PLCL2: variants seen among roughly 807,000 people sequenced by gnomAD.
PLCL2 encodes inactive phospholipase C-like protein 2.
PLCL2 carries 4 observed loss-of-function variants against 79.6 expected under a neutral mutation model. The ratio of observed to expected loss-of-function variants is 0.05; its 90% CI spans 0.02 to 0.11. PLCL2 has a LOEUF of 0.11. PLCL2 is among the 10% of genes least tolerant of loss of function. PLCL2 has a pLI of 1.00. For missense variants in PLCL2, 895 were observed against 1,291.0 expected (o/e 0.69, Z 4.70); for synonymous variants, 484 against 457.7 (o/e 1.06, Z -0.73).
rs148465044 is a variant in PLCL2 at position 16,928,356 on chromosome 3, G to A, written c.327+42990G>A. On this transcript the variant is annotated intron_variant, in intron 1 of 5. Transcript: ENST00000615277. ...GTAGACCAGTTTGGGAGACCAGGCA[G>A]TAGAATGCCTACAGAGGCCGATTTT... 3.4e-4 allele frequency among the ~76,000 whole-genome samples: 52 copies of A among 152,364 alleles called. No homozygotes were observed. In the East Asian group the frequency reaches 8.7e-3, roughly 25 times the overall value.
At chr3:17,000,399 G>A (rs149499768) in intron 1 of PLCL2, among the ~76,000 whole-genome samples, 74 of 149,986 alleles carry the variant, frequency 4.9e-4, no homozygotes, top group Admixed American at 1.1e-3. Flanking sequence ...GATCAAATCA[G>A]GGTAATTAGG....
chr3:16,892,650 A>G (rs562425912), intron 1 of PLCL2, among the ~76,000 whole-genome samples: 2 of 152,200 alleles, frequency 1.3e-5, no homozygotes, highest in Non-Finnish European at 2.9e-5. Context: ...TGCGATCTCT[A>G]ATTCCTCAGC....
At chr3:17,054,362 C>T (rs1224963266) in intron 4 of PLCL2, among the ~76,000 whole-genome samples, 1 of 152,160 alleles carries the variant, frequency 6.6e-6, no homozygotes, top group African/African-American at 2.4e-5. Flanking sequence ...TTTAACAAGT[C>T]TCTAGGAAGT....
rs1482426476 is a variant in PLCL2, at chr3:16,886,540, A to G, written c.327+1174A>G. Among the ~76,000 whole-genome samples the G allele has an allele frequency of 6.6e-6, 1 of 152,122 alleles. No individual in the cohort carries two copies. The highest frequency in any genetic ancestry group is 2.4e-5 in the African/African-American group (1 of 41,420). On this transcript the variant is annotated intron_variant, in intron 1 of 5. Transcript: ENST00000615277. The surrounding 1 kb of genome is among the most constrained non-coding windows in gnomAD (Gnocchi z 4.2). Reference sequence around the variant, plus strand: ...ATCTAGTGAAATATACCATCTTGCTACTCTATGTAAGAGGCAATTGTGAAA... The same window carrying G: ...ATCTAGTGAAATATACCATCTTGCTGCTCTATGTAAGAGGCAATTGTGAAA...
chr3:16,906,958 C>G (rs902691801), intron 1 of PLCL2, among the ~76,000 whole-genome samples: 2 of 152,122 alleles, frequency 1.3e-5, no homozygotes, highest in Non-Finnish European at 2.9e-5. Context: ...GTTTTTTCCC[C>G]GCTGAGTTGC....
At chr3:16,893,519 G>A (rs1696399492) in intron 1 of PLCL2, among the ~76,000 whole-genome samples, 1 of 152,176 alleles carries the variant, frequency 6.6e-6, no homozygotes, top group South Asian at 2.1e-4. Context: ...GGGTTTAAAA[G>A]TGATTAATCA....
At chr3:16,901,998 A>T (rs75866813) in intron 1 of PLCL2, among the ~76,000 whole-genome samples, 170 of 152,250 alleles carry the variant, frequency 1.1e-3, no homozygotes, top group African/African-American at 4.0e-3. Flanking sequence ...GCAGTTACCC[A>T]TGGATTCACT....
rs1277502663 is a variant in PLCL2 at position 17,009,937 on chromosome 3, A to G, written c.591A>G (p.Gly197=). ...AATCCATCAAGGAAGTGAGAACAGG[A>G]AAAAACACAGACATATTCCGCAGCA... ...DIKSIKEVRT[G]KNTDIFRSNG... The change falls in exon 2 of 6, where the codon GGA becomes GGG. Residue 197 remains glycine, a synonymous_variant. Transcript: ENST00000615277. The surrounding 1 kb of genome is among the most constrained non-coding windows in gnomAD (Gnocchi z 4.0). The G allele has an allele frequency of 6.2e-7, 1 of 1,614,058 alleles. No individual in the cohort carries two copies. Among genetic ancestry groups the G allele is most frequent in the Non-Finnish European group, 8.5e-7 (1 of 1,179,936 alleles).
intron 1 of PLCL2, among the ~76,000 whole-genome samples, chr3:16,908,293 T>C (rs747440680): frequency 3.9e-5 from 6 of 152,190 alleles, no homozygotes; most frequent in African/African-American, 9.7e-5. Context: ...AAACATATTT[T>C]TACCATCCAC....
At chr3:16,949,420 T>A (rs2063630626) in intron 1 of PLCL2, among the ~76,000 whole-genome samples, 1 of 152,250 alleles carries the variant, frequency 6.6e-6, no homozygotes, top group Non-Finnish European at 1.5e-5. Flanking sequence ...GGCACTTTAA[T>A]TTCCTCTTCT....
intron 1 of PLCL2, among the ~76,000 whole-genome samples, chr3:16,905,256 T>C (rs1413043011): frequency 6.6e-6 from 1 of 152,056 alleles, no homozygotes; most frequent in Non-Finnish European, 1.5e-5. Context: ...TTTTGGGGGA[T>C]TTTCACACTT....
intron 5 of PLCL2, among the ~76,000 whole-genome samples, chr3:17,072,405 A>C (rs2065068305): frequency 6.6e-6 from 1 of 152,128 alleles, no homozygotes; most frequent in African/African-American, 2.4e-5. Flanking sequence ...ATGGTAGCTC[A>C]CACCTGTAAT....
chr3:16,980,488 A>G (rs2063978804), intron 1 of PLCL2, among the ~76,000 whole-genome samples: 2 of 136,084 alleles, frequency 1.5e-5, no homozygotes, highest in Non-Finnish European at 1.6e-5. Context: ...CGCTCCTCAC[A>G]TCCCGGACGG....
At chr3:16,926,756 C>G (rs993614557) in intron 1 of PLCL2, among the ~76,000 whole-genome samples, 1 of 151,862 alleles carries the variant, frequency 6.6e-6, no homozygotes, top group Non-Finnish European at 1.5e-5. Context: ...TTCAGCCTCC[C>G]GAGTAGCTGA....
intron 1 of PLCL2, among the ~76,000 whole-genome samples, chr3:16,943,061 T>A (rs1229266102): frequency 6.6e-6 from 1 of 152,240 alleles, no homozygotes; most frequent in East Asian, 1.9e-4. Context: ...CCTGAAGCAG[T>A]TTCCTTGCTC....
chr3:17,059,513 C>CAT (rs1474351214), intron 4 of PLCL2, among the ~76,000 whole-genome samples: 1 of 149,620 alleles, frequency 6.7e-6, no homozygotes, highest in East Asian at 2.0e-4. Flanking sequence ...TATATACACA[C>CAT]ATATACATAT....
chr3:17,089,635 A>G, intron 5 of PLCL2, 98 bp from the exon 6 acceptor site: 1 of 742,308 alleles, frequency 1.3e-6, no homozygotes, highest in Non-Finnish European at 2.2e-6. Flanking sequence ...TTCTTGTGGA[A>G]TCAGAATACT....
In PLCL2 at chr3:17,090,092, A is replaced by G; in HGVS notation, c.*180A>G. 1 of 1,313,582 alleles carries G rather than the reference A, an allele frequency of 7.6e-7. No individual in the cohort carries two copies. Among genetic ancestry groups the G allele is most frequent in the Non-Finnish European group, 9.7e-7 (1 of 1,031,786 alleles). 81.4% of individuals were successfully genotyped at this position (1,313,582 alleles called of 1,614,324 possible). ...TGTAGCAATCCTGCGTGTGAAGGCA[A>G]ATAAACTCTTTAACAGGCAATTATA... On this transcript the variant is annotated 3_prime_UTR_variant, in exon 6 of 6. Coordinates refer to ENST00000615277, the MANE Select transcript of PLCL2 (RefSeq NM_001144382.2).
chr3:16,917,319 TC>T (rs1697020596), intron 1 of PLCL2, among the ~76,000 whole-genome samples: 1 of 152,170 alleles, frequency 6.6e-6, no homozygotes, highest in African/African-American at 2.4e-5. Flanking sequence ...TTGTTTTAGG[TC>T]AAAACATGCT....
Sources: allele counts gnomAD v4.1 joint callset (sites outside exome capture counted in the v4.1 genomes callset), GRCh38; gene constraint gnomAD v4.1.1; non-coding constraint Gnocchi (gnomAD v3.1); transcripts MANE v1.5; gene names NCBI Gene and HGNC (gene_info 2026-07-23, HGNC 2026-07-21).